Variants in GALNTL6 observed in about 807,000 individuals in gnomAD.
GALNTL6 encodes polypeptide N-acetylgalactosaminyltransferase like 6.
In GALNTL6, 46 loss-of-function variants were observed where a neutral mutation model predicts 73.7. The ratio of observed to expected loss-of-function variants is 0.62; its 90% CI spans 0.49 to 0.80. The LOEUF (loss-of-function observed/expected upper bound fraction) is 0.80. GALNTL6 is among the 30% of genes least tolerant of loss of function. GALNTL6 has a pLI of 0.00. For synonymous variants in GALNTL6, 259 were observed against 263.7 expected, an observed-to-expected ratio of 0.98 and a Z score of 0.17; for missense variants, 604 against 755.0, an observed-to-expected ratio of 0.80 and a Z score of 2.34.
chr4:172,536,669 A>AGCATTTACTT (rs1296574966), intron 5 of GALNTL6, among the ~76,000 whole-genome samples: 1 of 152,224 alleles, frequency 6.6e-6, no homozygotes, highest in African/African-American at 2.4e-5. Flanking sequence ...TGCTTTTAAA[A>AGCATTTACTT]GCATTTACTT....
At chr4:172,497,589 T>C (rs1734108279) in intron 5 of GALNTL6, among the ~76,000 whole-genome samples, 1 of 152,364 alleles carries the variant, frequency 6.6e-6, no homozygotes, top group South Asian at 2.1e-4. Context: ...AGGTCCCTGT[T>C]CAGCATCTTT....
intron 5 of GALNTL6, among the ~76,000 whole-genome samples, chr4:172,771,081 A>G (rs1332200567): frequency 6.6e-6 from 1 of 152,216 alleles, no homozygotes; most frequent in Non-Finnish European, 1.5e-5. Context: ...GGCAGTTTTG[A>G]CAATTCAAAT....
chr4:172,895,524 T>C (rs545199008), intron 8 of GALNTL6, among the ~76,000 whole-genome samples: 1 of 152,132 alleles, frequency 6.6e-6, no homozygotes, highest in East Asian at 1.9e-4. Context: ...TTGCTTATTT[T>C]CTCTCATTGC....
Position 172,057,757 on chromosome 4 carries a change from T to TAA in GALNTL6, c.139-171897_139-171896dup, listed in dbSNP as rs1553988652. 4.7e-3 allele frequency among the ~76,000 whole-genome samples: 611 copies of TAA among 131,362 alleles called. 1 individual carries two copies. The highest frequency in any genetic ancestry group is 6.4e-3 in the African/African-American group (218 of 34,100). The allele number at this position is 131,362 out of a possible 152,430, so 86.2% of individuals were successfully genotyped here. A position where few individuals can be genotyped will look rare whatever the true frequency, so the allele number is the denominator to read the frequency against. On this transcript the variant is annotated intron_variant, in intron 2 of 12. Coordinates refer to ENST00000506823, the MANE Select transcript of GALNTL6 (RefSeq NM_001034845.3). ...ATATATATATATATATATATATATA[T>TAA]AAATCAAGTTTTTATTCATCTTGTA...
intron 3 of GALNTL6, among the ~76,000 whole-genome samples, chr4:172,299,191 T>C (rs1229542618): frequency 6.6e-6 from 1 of 152,208 alleles, no homozygotes; most frequent in Non-Finnish European, 1.5e-5. Context: ...GTAGTTTGTA[T>C]TTCTGTGGAA....
chr4:172,352,209 T>G (rs1202775980), intron 5 of GALNTL6, among the ~76,000 whole-genome samples: 1 of 152,194 alleles, frequency 6.6e-6, no homozygotes, highest in African/African-American at 2.4e-5. Context: ...TAAATAAGAT[T>G]GACCTAGTTC....
intron 11 of GALNTL6, 68 bp downstream of exon 11, chr4:173,009,362 C>A: frequency 1.1e-6 from 1 of 930,164 alleles, no homozygotes; most frequent in Non-Finnish European, 1.8e-6. Flanking sequence ...CAGAGGGATG[C>A]AGCTGGAACA....
At chr4:172,265,899 A>C (rs1293882997) in intron 3 of GALNTL6, among the ~76,000 whole-genome samples, 1 of 152,106 alleles carries the variant, frequency 6.6e-6, no homozygotes, top group Admixed American at 6.6e-5. Context: ...GGAAAAAAAA[A>C]GTTTGATATA....
intron 7 of GALNTL6, among the ~76,000 whole-genome samples, chr4:172,825,084 TTCTTTC>T (rs2111035685): frequency 1.2e-5 from 1 of 84,820 alleles, no homozygotes; most frequent in South Asian, 4.1e-4. Context: ...TATCTTTTCT[TTCTTTC>T]TTTCTTTCTT....
chr4:171,891,278 A>G (rs1736753362), intron 2 of GALNTL6, among the ~76,000 whole-genome samples: 1 of 152,190 alleles, frequency 6.6e-6, no homozygotes, highest in Non-Finnish European at 1.5e-5. Context: ...GGAGGCACAT[A>G]TCTAGGGTAA....
rs776020486 is a variant in GALNTL6, at chr4:172,368,360, G to A, written c.553+19671G>A. On this transcript the variant is annotated intron_variant, in intron 5 of 12. Coordinates refer to ENST00000506823, the MANE Select transcript of GALNTL6 (RefSeq NM_001034845.3). The stretch of plus-strand genomic sequence containing the variant: ...CACGCCATTGCACTCCAGCCTGGGC[G>A]ACAGTGCGAGACTCCATCTCAAAAC... 5.9e-5 allele frequency among the ~76,000 whole-genome samples: 9 copies of A among 152,014 alleles called. No individual in the cohort carries two copies. In the South Asian group the frequency reaches 6.2e-4, roughly 11 times the overall value.
At chr4:172,525,172 T>A (rs1734910620) in intron 5 of GALNTL6, among the ~76,000 whole-genome samples, 1 of 152,232 alleles carries the variant, frequency 6.6e-6, no homozygotes, top group South Asian at 2.1e-4. Flanking sequence ...ATAAGAAATA[T>A]TGCTGTTGGA....
intron 9 of GALNTL6, among the ~76,000 whole-genome samples, chr4:172,944,010 T>G (rs546098173): frequency 6.6e-6 from 1 of 152,316 alleles, no homozygotes; most frequent in Non-Finnish European, 1.5e-5. Context: ...AATCATAGAC[T>G]TTAAATGTAA....
chr4:172,021,394 A>C (rs1282069249), intron 2 of GALNTL6, among the ~76,000 whole-genome samples: 1 of 152,098 alleles, frequency 6.6e-6, no homozygotes, highest in Non-Finnish European at 1.5e-5. Flanking sequence ...TAAAGAAGTG[A>C]AAGATATCTA....
intron 10 of GALNTL6, among the ~76,000 whole-genome samples, chr4:172,999,364 A>G (rs1751940670): frequency 6.6e-6 from 1 of 152,148 alleles, no homozygotes; most frequent in Admixed American, 6.5e-5. Flanking sequence ...ACACACACGA[A>G]AAACCTTCCT....
chr4:171,883,899 G>A (rs1467156531), intron 2 of GALNTL6, among the ~76,000 whole-genome samples: 4 of 151,804 alleles, frequency 2.6e-5, no homozygotes, highest in South Asian at 2.1e-4. Context: ...TGCCTGCCTC[G>A]GCCTCCCAAA....
intron 5 of GALNTL6, among the ~76,000 whole-genome samples, chr4:172,691,542 G>A (rs542049227): frequency 1.2e-4 from 18 of 152,264 alleles, no homozygotes; most frequent in African/African-American, 4.3e-4. Context: ...CTCTTCTAGT[G>A]AAAACACTGC....
intron 2 of GALNTL6, among the ~76,000 whole-genome samples, chr4:171,859,031 A>G (rs890552912): frequency 6.6e-6 from 1 of 152,148 alleles, no homozygotes; most frequent in Non-Finnish European, 1.5e-5. Flanking sequence ...AAATTTTTCC[A>G]TGTAAATGCT....
At chr4:172,797,786 G>A (rs2110949760) in intron 5 of GALNTL6, among the ~76,000 whole-genome samples, 1 of 152,218 alleles carries the variant, frequency 6.6e-6, no homozygotes, top group Admixed American at 6.5e-5. Context: ...TGATCCGCCA[G>A]CCTCGACCTC....
Sources: allele counts gnomAD v4.1 joint callset (sites outside exome capture counted in the v4.1 genomes callset), GRCh38; gene constraint gnomAD v4.1.1; transcripts MANE v1.5; gene names NCBI Gene and HGNC (gene_info 2026-07-23, HGNC 2026-07-21).